Variants in PLEKHA6 observed in about 807,000 individuals in gnomAD.
PLEKHA6 encodes the protein pleckstrin homology domain containing A6, also known as pleckstrin homology domain-containing family A member 6.
A neutral mutation model predicts 116.7 loss-of-function variants in PLEKHA6; 60 were observed. That is an observed-to-expected ratio of 0.51 (90% confidence interval 0.42 to 0.64). The LOEUF (loss-of-function observed/expected upper bound fraction) is 0.64, where lower values mean the gene tolerates loss of function less well. PLEKHA6 is among the 30% of genes least tolerant of loss of function. The probability of loss-of-function intolerance (pLI) is 0.00; values close to 1 mark genes in which losing one functional copy is unlikely to be tolerated. For synonymous variants in PLEKHA6, 489 were observed against 556.1 expected (o/e 0.88, Z 1.70); for missense variants, 1,338 against 1,422.7 (o/e 0.94, Z 0.96).
At chr1:204,293,310 T>C (rs775548512) in intron 1 of PLEKHA6, among the ~76,000 whole-genome samples, 14 of 152,158 alleles carry the variant, frequency 9.2e-5, no homozygotes, top group Non-Finnish European at 1.9e-4. Context: ...AATTTTTGTA[T>C]TTTCAGTAGA....
chr1:204,360,777 A>T (rs1673541864), upstream of PLEKHA6, among the ~76,000 whole-genome samples: 1 of 152,136 alleles, frequency 6.6e-6, no homozygotes, highest in Non-Finnish European at 1.5e-5. Context: ...CTGAGCAAGG[A>T]TGCTAGCCAA....
intron 9 of PLEKHA6, chr1:204,251,543 T>C (rs1272502499): frequency 1.4e-6 from 1 of 702,582 alleles, no homozygotes; most frequent in East Asian, 2.7e-5. Flanking sequence ...GCATGAAGAG[T>C]TGGGACCTGG....
At chr1:204,258,687 A>G (rs1665684785) in intron 8 of PLEKHA6, among the ~76,000 whole-genome samples, 1 of 152,260 alleles carries the variant, frequency 6.6e-6, no homozygotes, top group Non-Finnish European at 1.5e-5. Flanking sequence ...CATTGGGCCC[A>G]ATAAATGTCC....
chr1:204,292,735 G>C (rs1669899087), intron 1 of PLEKHA6, among the ~76,000 whole-genome samples: 1 of 152,204 alleles, frequency 6.6e-6, no homozygotes, highest in Admixed American at 6.5e-5. Flanking sequence ...ATGGAAACAG[G>C]GTCAGGACAG....
At chr1:204,345,619 G>A (rs1673012896) in intron 1 of PLEKHA6, among the ~76,000 whole-genome samples, 2 of 152,092 alleles carry the variant, frequency 1.3e-5, no homozygotes, top group African/African-American at 4.8e-5. Context: ...CTGTGACCTG[G>A]GTTCAGCCTC....
At chr1:204,312,997 A>AG (rs1407560152) in intron 1 of PLEKHA6, among the ~76,000 whole-genome samples, 1 of 114,608 alleles carries the variant, frequency 8.7e-6, no homozygotes, top group East Asian at 2.5e-4. Context: ...CTCAAAGCAC[A>AG]GGCCCTTAGC....
At chr1:204,366,716 G>C (rs183161982) in intron 3 of PLEKHA6, among the ~76,000 whole-genome samples, 2 of 152,260 alleles carry the variant, frequency 1.3e-5, no homozygotes, top group African/African-American at 4.8e-5. Flanking sequence ...AACTGAGATC[G>C]CACCACTGCA....
intron 1 of PLEKHA6, among the ~76,000 whole-genome samples, chr1:204,374,049 AT>A (rs1199402125): frequency 2.0e-5 from 3 of 151,916 alleles, no homozygotes; most frequent in Non-Finnish European, 4.4e-5. Flanking sequence ...GCCCCCTCAG[AT>A]TCCCATCTAT....
At chr1:204,347,239 T>C (rs1368038271) in intron 1 of PLEKHA6, 2 of 1,078,590 alleles carry the variant, frequency 1.9e-6, no homozygotes, top group Admixed American at 1.7e-5. Context: ...GCCTCTCCTC[T>C]TTCCCTTTGT....
chr1:204,248,775 C>T (rs1664132176), intron 12 of PLEKHA6, 46 bp downstream of exon 12: 8 of 1,588,064 alleles, frequency 5.0e-6, no homozygotes, highest in Non-Finnish European at 6.9e-6. Flanking sequence ...GCCCTGCTGC[C>T]TAGTGCTGAT....
chr1:204,349,162 A>G (rs992609412), intron 1 of PLEKHA6, among the ~76,000 whole-genome samples: 1 of 152,194 alleles, frequency 6.6e-6, no homozygotes, highest in Non-Finnish European at 1.5e-5. Context: ...GCCTGGCTCC[A>G]GGCCCTCAAT....
At chr1:204,295,348 G>T (rs1395218869) in intron 1 of PLEKHA6, among the ~76,000 whole-genome samples, 1 of 152,052 alleles carries the variant, frequency 6.6e-6, no homozygotes, top group Non-Finnish European at 1.5e-5. Context: ...AAAGTAACCA[G>T]GTGTGGTGGC....
At chr1:204,365,953 G>A (rs779106686) in intron 3 of PLEKHA6, among the ~76,000 whole-genome samples, 5 of 152,156 alleles carry the variant, frequency 3.3e-5, no homozygotes, top group East Asian at 1.9e-4. Context: ...TCGAGAAGTC[G>A]GAACCAGGTG....
At chr1:204,342,911 G>A (rs1291399065) in intron 1 of PLEKHA6, among the ~76,000 whole-genome samples, 1 of 152,194 alleles carries the variant, frequency 6.6e-6, no homozygotes, top group Non-Finnish European at 1.5e-5. Context: ...CCCCGTGTGG[G>A]TCAAGAGATT....
chr1:204,349,395 G>T (rs1452749843), intron 1 of PLEKHA6, among the ~76,000 whole-genome samples: 2 of 152,144 alleles, frequency 1.3e-5, no homozygotes, highest in African/African-American at 2.4e-5. Context: ...AAAAAATTTA[G>T]CTGGGCATGG....
chr1:204,314,660 ACTT>A (rs1172319432), intron 1 of PLEKHA6, among the ~76,000 whole-genome samples: 1 of 152,004 alleles, frequency 6.6e-6, no homozygotes, highest in African/African-American at 2.4e-5. Context: ...ATCCTCCTTA[ACTT>A]CTTCTCCTGT....
At chr1:204,378,110 G>A (rs937149248), upstream of PLEKHA6, 4 of 152,438 alleles carry the variant, frequency 2.6e-5, no homozygotes, top group African/African-American at 4.8e-5. Flanking sequence ...AGAAGCTGGA[G>A]CGGGGAGGAT....
chr1:204,347,322 A>G, intron 1 of PLEKHA6: 2 of 748,950 alleles, frequency 2.7e-6, no homozygotes, highest in Non-Finnish European at 2.4e-6. Context: ...TTGAAAGAAG[A>G]GAAATATGGC....
intron 1 of PLEKHA6, among the ~76,000 whole-genome samples, chr1:204,349,844 G>A (rs2103358082): frequency 6.6e-6 from 1 of 152,362 alleles, no homozygotes; most frequent in South Asian, 2.1e-4. Flanking sequence ...GTGTTTCACT[G>A]AAAGAAGTGA....
Sources: allele counts gnomAD v4.1 joint callset (sites outside exome capture counted in the v4.1 genomes callset), GRCh38; gene constraint gnomAD v4.1.1; transcripts MANE v1.5; gene names NCBI Gene and HGNC (gene_info 2026-07-23, HGNC 2026-07-21).